The following DIP2C variants were observed in gnomAD, a reference collection of about 807,000 sequenced individuals.
DIP2C encodes disco-interacting protein 2 homolog C.
Under a neutral mutation model 192.4 loss-of-function variants are expected in DIP2C, and 33 were observed. That is an observed-to-expected ratio of 0.17 (90% confidence interval 0.13 to 0.23). The LOEUF (loss-of-function observed/expected upper bound fraction) is 0.23, where lower values mean the gene tolerates loss of function less well. Ranked by LOEUF, DIP2C falls within the 10% of genes least tolerant of loss-of-function variation. DIP2C has a pLI of 1.00. For missense variants in DIP2C, 1,537 were observed against 2,110.1 expected, an observed-to-expected ratio of 0.73 and a Z score of 5.32; for synonymous variants, 979 against 864.1, an observed-to-expected ratio of 1.13 and a Z score of -2.33.
intron 1 of DIP2C, among the ~76,000 whole-genome samples, chr10:633,461 T>C (rs1438971965): frequency 2.6e-5 from 4 of 151,922 alleles, no homozygotes; most frequent in Admixed American, 2.6e-4. Context: ...GGTGGTGCCG[T>C]AGAGTGGATG....
At chr10:382,341 G>A (rs148263257) in intron 17 of DIP2C, among the ~76,000 whole-genome samples, 190 of 152,264 alleles carry the variant, frequency 1.2e-3, no homozygotes, top group African/African-American at 3.8e-3. Context: ...ATTGGTACAC[G>A]CACATGGAAA....
intron 1 of DIP2C, among the ~76,000 whole-genome samples, chr10:596,168 A>C (rs1428173991): frequency 6.6e-6 from 1 of 152,128 alleles, no homozygotes; most frequent in Admixed American, 6.5e-5. Flanking sequence ...CGTTTTAAAA[A>C]ATAAAAGTAA....
intron 1 of DIP2C, among the ~76,000 whole-genome samples, chr10:502,224 C>G (rs1014351851): frequency 6.6e-6 from 1 of 152,176 alleles, no homozygotes; most frequent in Admixed American, 6.5e-5. Context: ...CAATCATTTA[C>G]TGGTCAATGC....
intron 2 of DIP2C, among the ~76,000 whole-genome samples, chr10:477,620 G>A (rs1013951485): frequency 3.3e-5 from 3 of 89,756 alleles, no homozygotes; most frequent in African/African-American, 1.0e-4. Context: ...TGGGTGGGAG[G>A]AAGGTGGATG....
At chr10:342,354 T>A (rs954717703) in intron 28 of DIP2C, among the ~76,000 whole-genome samples, 3 of 152,132 alleles carry the variant, frequency 2.0e-5, no homozygotes, top group Admixed American at 1.3e-4. Context: ...GAGACAGGGT[T>A]TCCCCATGTT....
In DIP2C at chr10:417,955, CACCT is replaced by C. The variant is rs1965852669; in HGVS notation, c.739+1106_739+1109del. On this transcript the variant is annotated intron_variant, in intron 6 of 36. Transcript: ENST00000280886. ...CAGGGCTTCGATAGGCCTCCCTGTC[CACCT>C]GCACCTGTCAGGGCTCGGATAGGCC... is the stretch of plus-strand genomic sequence containing the variant. 1.3e-4 allele frequency among the ~76,000 whole-genome samples: 12 copies of C among 94,198 alleles called. 4 individuals carry two copies. The highest frequency in any genetic ancestry group is 5.5e-4 in the African/African-American group (12 of 21,866). The allele number at this position is 94,198 out of a possible 152,430, so 61.8% of individuals were successfully genotyped here. A position where few individuals can be genotyped will look rare whatever the true frequency, so the allele number is the denominator to read the frequency against.
intron 3 of DIP2C, 47 bp from the exon 4 acceptor site, chr10:441,043 G>T: frequency 6.3e-7 from 1 of 1,583,282 alleles, no homozygotes; most frequent in South Asian, 1.2e-5. Context: ...TGAGGTCCCA[G>T]AGGCCAAGCT....
intron 10 of DIP2C, among the ~76,000 whole-genome samples, chr10:397,897 T>C (rs1210178205): frequency 2.0e-5 from 3 of 151,892 alleles, no homozygotes; most frequent in South Asian, 2.1e-4. Flanking sequence ...GAAGGAGGGG[T>C]CGGACATGCC....
chr10:499,739 A>G (rs1052024973), intron 1 of DIP2C, among the ~76,000 whole-genome samples: 4 of 152,232 alleles, frequency 2.6e-5, no homozygotes, highest in African/African-American at 4.8e-5. Context: ...TGTGGGGGTT[A>G]TGGAAATTAC....
chr10:355,351 G>C (rs542016995), intron 24 of DIP2C, among the ~76,000 whole-genome samples: 1 of 152,366 alleles, frequency 6.6e-6, no homozygotes, highest in East Asian at 1.9e-4. Flanking sequence ...CACGTGCAGA[G>C]AATGGTCTGA....
At chr10:582,377 CAG>C (rs959587578) in intron 1 of DIP2C, among the ~76,000 whole-genome samples, 42 of 152,090 alleles carry the variant, frequency 2.8e-4, no homozygotes, top group Non-Finnish European at 3.8e-4. Context: ...TAACATAAAA[CAG>C]AGTCACACCG....
chr10:589,423 C>T (rs11253269), intron 1 of DIP2C, among the ~76,000 whole-genome samples: 4,468 of 152,248 alleles, frequency 0.029, 117 homozygotes, highest in East Asian at 0.14. Flanking sequence ...CCCAAGGTCT[C>T]GACGATTTCC....
At chr10:593,622 G>C (rs950800303) in intron 1 of DIP2C, among the ~76,000 whole-genome samples, 1 of 151,944 alleles carries the variant, frequency 6.6e-6, no homozygotes, top group African/African-American at 2.4e-5. Context: ...GCCAAGCATG[G>C]AGACGGCACA....
At chr10:674,633 G>T (rs1035018417) in intron 1 of DIP2C, among the ~76,000 whole-genome samples, 5 of 151,762 alleles carry the variant, frequency 3.3e-5, no homozygotes, top group African/African-American at 4.8e-5. Flanking sequence ...ACCGAGCATG[G>T]TGGCACATGC....
rs1855881785 is a variant in DIP2C at position 651,281 on chromosome 10, C to CGTG, written c.85+38210_85+38212dup. ...GTCACCAGTCGGCCTCCCCCACCAA[C>CGTG]GTGGACTCCTTACAAGCAGAGCCAC... On this transcript the variant is annotated intron_variant, in intron 1 of 36. Coordinates refer to ENST00000280886, the MANE Select transcript of DIP2C (RefSeq NM_014974.3). This position sits in a 1 kb window ranked among gnomAD's most constrained non-coding sequence, Gnocchi z 4.1. The CGTG allele has an allele frequency of 2.8e-6, 2 of 712,616 alleles. No individual in the cohort carries two copies. Among genetic ancestry groups the CGTG allele is most frequent in the Non-Finnish European group, 5.2e-6 (2 of 385,092 alleles). The allele number at this position is 712,616 out of a possible 1,614,324, so 44.1% of individuals were successfully genotyped here. A position where few individuals can be genotyped will look rare whatever the true frequency, so the allele number is the denominator to read the frequency against.
At chr10:607,308 C>G (rs1010087476) in intron 1 of DIP2C, among the ~76,000 whole-genome samples, 1 of 151,844 alleles carries the variant, frequency 6.6e-6, no homozygotes, top group East Asian at 1.9e-4. Flanking sequence ...CCTCTGCCCT[C>G]GAGAGCAGCT....
At chr10:598,936 G>A (rs999937376) in intron 1 of DIP2C, among the ~76,000 whole-genome samples, 5 of 152,240 alleles carry the variant, frequency 3.3e-5, no homozygotes, top group African/African-American at 1.2e-4. Context: ...CTGCCTCAAG[G>A]AACATCCTTC....
In DIP2C at chr10:636,509, C is replaced by T. The variant is rs976834802; in HGVS notation, c.85+52985G>A. ...CTCCTGCCACCTCGCCGAGTCCTCA[C>T]GCACGCGTTCCCTAAGAATAAAGGA... On this transcript the variant is annotated intron_variant, in intron 1 of 36. Transcript: ENST00000280886. The surrounding 1 kb of genome is among the most constrained non-coding windows in gnomAD (Gnocchi z 4.6). 6.6e-6 allele frequency among the ~76,000 whole-genome samples: 1 copy of T among 152,144 alleles called. No homozygotes were observed. The highest frequency in any genetic ancestry group is 6.5e-5 in the Admixed American group (1 of 15,270).
intron 9 of DIP2C, among the ~76,000 whole-genome samples, chr10:405,029 C>A (rs774268673): frequency 6.6e-6 from 1 of 152,196 alleles, no homozygotes; most frequent in East Asian, 1.9e-4. Context: ...CACCAGGAAA[C>A]GTTAGAAAAT....
Sources: gnomAD v4.1 joint callset for allele counts (sites outside exome capture counted in the v4.1 genomes callset) on GRCh38, gnomAD v4.1.1 for gene constraint, Gnocchi (gnomAD v3.1) non-coding constraint, MANE v1.5 for transcripts, NCBI Gene and HGNC (gene_info 2026-07-23, HGNC 2026-07-21) for gene names.